PPP2CA: variants seen among roughly 807,000 people sequenced by gnomAD.
PPP2CA encodes the protein serine/threonine-protein phosphatase 2A catalytic subunit alpha isoform.
PPP2CA carries 5 observed loss-of-function variants against 38.8 expected under a neutral mutation model. That is an observed-to-expected ratio of 0.13 (90% CI 0.07 to 0.27). The LOEUF is 0.27. Among genes scored for constraint, PPP2CA ranks in the 10% least tolerant of loss-of-function variants. The pLI is 1.00. For synonymous variants in PPP2CA, 152 were observed against 134.0 expected (o/e 1.13, Z -0.93); for missense variants, 88 against 389.7 (o/e 0.23, Z 6.52).
intron 6 of PPP2CA, among the ~76,000 whole-genome samples, chr5:134,198,270 G>C (rs879618614): frequency 2.0e-5 from 3 of 152,002 alleles, no homozygotes; most frequent in African/African-American, 4.8e-5. Context: ...GCAGACGCCT[G>C]TAATCCCAGC....
Position 134,194,641 on chromosome 5 carries a change from C to T in PPP2CA, c.*3131G>A, listed in dbSNP as rs1161717902. 1 of 152,228 alleles carries T rather than the reference C, an allele frequency of 6.6e-6. No homozygotes were observed. The highest frequency in any genetic ancestry group is 1.5e-5 in the Non-Finnish European group (1 of 68,094). The allele number at this position is 152,228 out of a possible 1,614,324, so 9.4% of individuals were successfully genotyped here. A position where few individuals can be genotyped will look rare whatever the true frequency, so the allele number is the denominator to read the frequency against. On this transcript the variant is annotated 3_prime_UTR_variant, in exon 7 of 7. Coordinates refer to ENST00000481195, the MANE Select transcript of PPP2CA (RefSeq NM_002715.4). ...TTTTGTTTTTTGAGATGGAGTTTTG[C>T]TCTTTTTGCCCAGGCTGGAGTGCAA... is the stretch of plus-strand genomic sequence containing the variant.
chr5:134,223,571 C>G (rs923209212), intron 1 of PPP2CA, among the ~76,000 whole-genome samples: 3 of 152,196 alleles, frequency 2.0e-5, no homozygotes, highest in African/African-American at 7.2e-5. Flanking sequence ...GCACTCAGAA[C>G]TAAAATTTGC....
At chr5:134,210,732 C>T (rs1182109366) in intron 1 of PPP2CA, among the ~76,000 whole-genome samples, 1 of 152,054 alleles carries the variant, frequency 6.6e-6, no homozygotes, top group Non-Finnish European at 1.5e-5. Context: ...ACTCAGGAGG[C>T]TGAGGCAGGG....
chr5:134,219,285 T>A (rs1043034053), intron 1 of PPP2CA, among the ~76,000 whole-genome samples: 2 of 152,240 alleles, frequency 1.3e-5, no homozygotes, highest in Non-Finnish European at 2.9e-5. Flanking sequence ...CAAAGCTCAA[T>A]AGTGACAATA....
At chr5:134,210,229 AC>A (rs1762175849) in intron 1 of PPP2CA, among the ~76,000 whole-genome samples, 1 of 152,188 alleles carries the variant, frequency 6.6e-6, no homozygotes, top group South Asian at 2.1e-4. Context: ...GAGCCTCCAG[AC>A]CTTTAGCAAC....
chr5:134,201,042 A>G lies in PPP2CA; in HGVS notation c.519T>C (p.Ser173=), dbSNP rs758638607. The G allele has an allele frequency of 2.5e-6, 4 of 1,613,072 alleles. No homozygotes were observed. Among genetic ancestry groups the G allele is most frequent in the South Asian group, 1.1e-5 (1 of 91,056 alleles). The change falls in exon 4 of 7, where the codon TCT becomes TCC. Residue 173 remains serine (S), a synonymous_variant. Transcript: ENST00000481195. The stretch of plus-strand genomic sequence containing the variant: ...CTCTGATATGATCCAGTGTATCTAT[A>G]GATGGCGAGAGACCACCATGTAGAC... ...IFCLHGGLSP[S]IDTLDHIRAL... is the part of the protein sequence containing the mutation.
intron 1 of PPP2CA, among the ~76,000 whole-genome samples, chr5:134,215,397 C>T (rs1307478493): frequency 4.6e-5 from 7 of 151,964 alleles, no homozygotes; most frequent in African/African-American, 1.7e-4. Context: ...TGGTGAAACC[C>T]CATCTCTACC....
chr5:134,198,347 C>T (rs1473211071), intron 6 of PPP2CA, among the ~76,000 whole-genome samples: 2 of 151,748 alleles, frequency 1.3e-5, no homozygotes, highest in Admixed American at 6.6e-5. Flanking sequence ...CAGCCAAGAT[C>T]GCACCACTGC....
At chr5:134,221,834 G>A (rs1015529405) in intron 1 of PPP2CA, among the ~76,000 whole-genome samples, 1 of 151,998 alleles carries the variant, frequency 6.6e-6, no homozygotes, top group African/African-American at 2.4e-5. Flanking sequence ...TGGGCATGGT[G>A]GTGGGTACCT....
At chr5:134,224,080 C>T (rs578042666) in intron 1 of PPP2CA, among the ~76,000 whole-genome samples, 285 of 152,302 alleles carry the variant, frequency 1.9e-3, no homozygotes, top group Non-Finnish European at 2.7e-3. Context: ...TCCCTCCTTT[C>T]CACGTTTTCT....
intron 1 of PPP2CA, among the ~76,000 whole-genome samples, chr5:134,222,650 T>C (rs1762470775): frequency 6.6e-6 from 1 of 152,182 alleles, no homozygotes; most frequent in African/African-American, 2.4e-5. Flanking sequence ...AATAAAAGAT[T>C]GTTTACTGTA....
chr5:134,209,907 C>G (rs1452709072), intron 1 of PPP2CA, among the ~76,000 whole-genome samples: 1 of 152,028 alleles, frequency 6.6e-6, no homozygotes, highest in Non-Finnish European at 1.5e-5. Context: ...AGACCCCTCT[C>G]TATAGAAAAT....
At chr5:134,214,215 C>T (rs1762271196) in intron 1 of PPP2CA, among the ~76,000 whole-genome samples, 2 of 152,110 alleles carry the variant, frequency 1.3e-5, no homozygotes, top group South Asian at 4.1e-4. Flanking sequence ...TTATTCTTAC[C>T]AACCAGAACT....
At chr5:134,219,459 ATCTAGGACAAAGGTTTGCAAC>A (rs1762390831) in intron 1 of PPP2CA, among the ~76,000 whole-genome samples, 1 of 152,060 alleles carries the variant, frequency 6.6e-6, no homozygotes, top group South Asian at 2.1e-4. Flanking sequence ...CCTCGTCCCC[ATCTAGGACAAAGGTTTGCAAC>A]CTTCCAGCCT....
Position 134,211,726 on chromosome 5 carries a change from C to G in PPP2CA, c.103-5595G>C, listed in dbSNP as rs559490922. 1.5e-3 allele frequency among the ~76,000 whole-genome samples: 224 copies of G among 151,716 alleles called. 2 individuals carry two copies. Among genetic ancestry groups the G allele is most frequent in the South Asian group, 8.8e-3 (42 of 4,796 alleles). Reference sequence around the variant, plus strand: ...TCCTGACCTCAGGTGATCCACCCGCCTTGGCCTCCCAAAGGCTGGGATTAC... The same window carrying G: ...TCCTGACCTCAGGTGATCCACCCGCGTTGGCCTCCCAAAGGCTGGGATTAC... On this transcript the variant is annotated intron_variant, in intron 1 of 6. Transcript: ENST00000481195.
chr5:134,225,713 G>C lies in PPP2CA; in HGVS notation c.102+47C>G, dbSNP rs183555171. Reference sequence around the variant, plus strand: ...CCTCCTCACGGCCGCCTTTTCCTCGGCGGGCTCGGCCCCGCGGCGGCTGTC... The same window carrying C: ...CCTCCTCACGGCCGCCTTTTCCTCGCCGGGCTCGGCCCCGCGGCGGCTGTC... On this transcript the variant is annotated intron_variant, in intron 1 of 6. Coordinates refer to ENST00000481195, the MANE Select transcript of PPP2CA (RefSeq NM_002715.4). The C allele has an allele frequency of 8.8e-4, 1,381 of 1,561,586 alleles. 11 individuals carry two copies. The East Asian group carries it at 0.022, about 24-fold the overall frequency.
intron 1 of PPP2CA, among the ~76,000 whole-genome samples, chr5:134,212,051 C>T (rs1301584387): frequency 6.6e-6 from 1 of 152,040 alleles, no homozygotes; most frequent in East Asian, 2.0e-4. Flanking sequence ...ACCTGGGAGG[C>T]GAGGTTGCAG....
In PPP2CA at chr5:134,224,597, A is replaced by G. The variant is rs570232589; in HGVS notation, c.102+1163T>C. ...ACTAAAGTGACGTGCTGCAAAGTTA[A>G]TTTTGAAAAGGGAAGTTAAAATGTT... On this transcript the variant is annotated intron_variant, in intron 1 of 6. Transcript: ENST00000481195. Among the ~76,000 whole-genome samples the G allele has an allele frequency of 3.3e-5, 5 of 152,374 alleles. No individual in the cohort carries two copies. In the East Asian group the frequency reaches 9.6e-4, roughly 29 times the overall value.
chr5:134,221,275 C>G (rs185721137), intron 1 of PPP2CA, among the ~76,000 whole-genome samples: 1 of 152,238 alleles, frequency 6.6e-6, no homozygotes, highest in East Asian at 1.9e-4. Flanking sequence ...CCACGCCCGG[C>G]TAATTTTTTG....
Sources: allele counts gnomAD v4.1 joint callset (sites outside exome capture counted in the v4.1 genomes callset), GRCh38; gene constraint gnomAD v4.1.1; transcripts MANE v1.5; gene names NCBI Gene and HGNC (gene_info 2026-07-23, HGNC 2026-07-21).